The following KRT8 variants were observed in gnomAD, a reference collection of about 807,000 sequenced individuals.
The protein encoded by KRT8 is keratin 8.
Under a neutral mutation model 43.0 loss-of-function variants are expected in KRT8, and 24 were observed. The observed-to-expected ratio is 0.56, with a 90% CI of 0.40 to 0.78. The LOEUF is 0.78. Ranked by LOEUF, KRT8 falls within the 30% of genes least tolerant of loss-of-function variation. The pLI, the probability that KRT8 is intolerant of heterozygous loss-of-function variation, is 0.00. For synonymous variants in KRT8, 214 were observed against 261.2 expected (o/e 0.82, Z 1.74); for missense variants, 492 against 638.4 (o/e 0.77, Z 2.47).
chr12:52,901,933 C>T (rs1941380372), exon 2 of KRT8: 1 of 1,611,122 alleles, frequency 6.2e-7, no homozygotes, highest in East Asian at 2.2e-5. Context: ...CTTCTCCTGG[C>T]CCAGAGTCTC....
chr12:52,935,210 G>A (rs1942147766), intron 2 of KRT8, among the ~76,000 whole-genome samples: 1 of 151,016 alleles, frequency 6.6e-6, no homozygotes, highest in Non-Finnish European at 1.5e-5. Context: ...GCAAAACCCT[G>A]TCTCTACTAA....
chr12:52,937,919 A>G (rs927010400), intron 2 of KRT8, among the ~76,000 whole-genome samples: 2 of 149,334 alleles, frequency 1.3e-5, no homozygotes, highest in African/African-American at 4.9e-5. Flanking sequence ...AGAATTGCTT[A>G]AGCCCAGGAG....
At chr12:52,928,854 C>A (rs567819293) in intron 2 of KRT8, among the ~76,000 whole-genome samples, 111 of 152,202 alleles carry the variant, frequency 7.3e-4, no homozygotes, top group African/African-American at 2.6e-3. Flanking sequence ...TGCAGTGAGA[C>A]AAGATCGTGC....
At chr12:52,898,929 A>T (rs1031662081) in intron 5 of KRT8, 30 bp from the exon 6 acceptor site, 3 of 1,604,882 alleles carry the variant, frequency 1.9e-6, no homozygotes, top group Non-Finnish European at 1.7e-6. Flanking sequence ...TAAGTAGGTC[A>T]GGTTGGGTAT....
intron 2 of KRT8, among the ~76,000 whole-genome samples, chr12:52,941,703 G>C (rs1206393738): frequency 2.6e-5 from 4 of 151,798 alleles, no homozygotes; most frequent in Non-Finnish European, 4.4e-5. Context: ...GGTCAGGCTG[G>C]TCTCGAACTC....
chr12:52,919,343 T>G (rs548220684), intron 2 of KRT8, among the ~76,000 whole-genome samples: 16 of 152,312 alleles, frequency 1.1e-4, no homozygotes, highest in African/African-American at 3.8e-4. Flanking sequence ...CTCAGCTCAC[T>G]GCAACCTTCG....
chr12:52,924,347 G>A (rs1375527920), intron 2 of KRT8, among the ~76,000 whole-genome samples: 1 of 151,930 alleles, frequency 6.6e-6, no homozygotes, highest in African/African-American at 2.4e-5. Flanking sequence ...TACTAGGGAG[G>A]CTGAGGCAGG....
At chr12:52,899,006 C>T (rs1941293405) in intron 5 of KRT8, 107 bp from the exon 6 acceptor site, 3 of 957,900 alleles carry the variant, frequency 3.1e-6, no homozygotes, top group Non-Finnish European at 4.9e-6. Context: ...GGCTGACTCC[C>T]CCCAGCTCAA....
At chr12:52,949,152 C>CCTTTCT (rs779623179) in intron 2 of KRT8, 11 of 1,609,110 alleles carry the variant, frequency 6.8e-6, no homozygotes, top group Middle Eastern at 2.2e-4. Context: ...TGAGTCCTGT[C>CCTTTCT]CTTTCTCTCT....
At chr12:52,934,121 C>T (rs1296966873) in intron 2 of KRT8, among the ~76,000 whole-genome samples, 2 of 151,290 alleles carry the variant, frequency 1.3e-5, no homozygotes, top group Admixed American at 1.3e-4. Context: ...CCCAGCTGCT[C>T]GGGAGGCTGA....
chr12:52,940,707 C>T (rs1414972466), intron 2 of KRT8, among the ~76,000 whole-genome samples: 1 of 150,348 alleles, frequency 6.7e-6, no homozygotes, highest in African/African-American at 2.4e-5. Context: ...CTCACTGCAA[C>T]CTCCTCCTCC....
chr12:52,917,656 A>G (rs1230954097), intron 2 of KRT8, among the ~76,000 whole-genome samples: 1 of 149,660 alleles, frequency 6.7e-6, no homozygotes, highest in African/African-American at 2.5e-5. Flanking sequence ...TTGCAGCGAG[A>G]CAAGATTGTG....
At chr12:52,912,652 G>T (rs2120618514) in intron 2 of KRT8, among the ~76,000 whole-genome samples, 1 of 152,332 alleles carries the variant, frequency 6.6e-6, no homozygotes, top group South Asian at 2.1e-4. Flanking sequence ...GGCAGGGGAT[G>T]GTCCTCTGCA....
At chr12:52,927,972 G>C (rs763337957) in intron 2 of KRT8, among the ~76,000 whole-genome samples, 3 of 152,144 alleles carry the variant, frequency 2.0e-5, no homozygotes, top group Non-Finnish European at 4.4e-5. Flanking sequence ...AAGGAGAATC[G>C]CTTGAGAGGC....
At chr12:52,932,989 G>A (rs1343500665) in intron 2 of KRT8, among the ~76,000 whole-genome samples, 6 of 152,110 alleles carry the variant, frequency 3.9e-5, no homozygotes, top group South Asian at 4.1e-4. Flanking sequence ...TGTCACCCAG[G>A]CTGGAGTGCA....
chr12:52,918,739 G>C (rs908006084), intron 2 of KRT8, among the ~76,000 whole-genome samples: 8 of 152,148 alleles, frequency 5.3e-5, no homozygotes, highest in Non-Finnish European at 7.3e-5. Flanking sequence ...ATGTTAGCTT[G>C]ACTCTCACCA....
At chr12:52,906,592 G>A, upstream of KRT8, 3 of 424,146 alleles carry the variant, frequency 7.1e-6, no homozygotes, top group Middle Eastern at 4.1e-4. Flanking sequence ...AGGGCATGCT[G>A]TGGGTGGAAG....
intron 2 of KRT8, among the ~76,000 whole-genome samples, chr12:52,925,887 C>G (rs914253973): frequency 2.6e-5 from 4 of 152,124 alleles, no homozygotes; most frequent in South Asian, 2.1e-4. Flanking sequence ...TTTCTCTCCC[C>G]CTCAGGGCCC....
At chr12:52,901,711 A>T in intron 2 of KRT8, 153 bp downstream of exon 2, 1 of 671,510 alleles carries the variant, frequency 1.5e-6, no homozygotes, top group East Asian at 2.7e-5. Context: ...GCATAAACAC[A>T]GACTGTTCCG....
Sources: allele counts gnomAD v4.1 joint callset (sites outside exome capture counted in the v4.1 genomes callset), GRCh38; gene constraint gnomAD v4.1.1; transcripts MANE v1.5; gene names NCBI Gene and HGNC (gene_info 2026-07-23, HGNC 2026-07-21).